Variants in GPC6 observed in about 807,000 individuals in gnomAD.
GPC6 encodes the protein glypican 6, also known as glypican-6.
In GPC6, 14 loss-of-function variants were observed where a neutral mutation model predicts 55.2. The observed-to-expected ratio is 0.25, with a 90% CI of 0.17 to 0.40. GPC6 has a LOEUF of 0.40. GPC6 is among the 10% of genes least tolerant of loss of function. The pLI is 1.00. For synonymous variants in GPC6, 278 were observed against 259.6 expected (o/e 1.07, Z -0.68); for missense variants, 641 against 708.5 (o/e 0.90, Z 1.08).
intron 2 of GPC6, among the ~76,000 whole-genome samples, chr13:93,671,741 C>A (rs1594359304): frequency 6.6e-6 from 1 of 152,204 alleles, no homozygotes; most frequent in East Asian, 1.9e-4. Context: ...CAGGTCTCAC[C>A]TCCAAAATCC....
chr13:93,517,221 G>A (rs943880246), intron 1 of GPC6, among the ~76,000 whole-genome samples: 5 of 152,002 alleles, frequency 3.3e-5, no homozygotes, highest in African/African-American at 1.2e-4. Context: ...CAGGAATGAT[G>A]GAGTATCTAA....
At chr13:93,723,659 T>C (rs1004715149) in intron 2 of GPC6, among the ~76,000 whole-genome samples, 1 of 152,006 alleles carries the variant, frequency 6.6e-6, no homozygotes, top group Non-Finnish European at 1.5e-5. Context: ...ATAGACTTCT[T>C]CATCCACATC....
At chr13:93,881,629 A>G (rs1874979541) in intron 3 of GPC6, among the ~76,000 whole-genome samples, 1 of 152,080 alleles carries the variant, frequency 6.6e-6, no homozygotes, top group Non-Finnish European at 1.5e-5. Flanking sequence ...GGACAGAGCT[A>G]GGAAATGTAT....
At chr13:93,221,492 T>TC in the GPC6 span, among the ~76,000 whole-genome samples, 1 of 152,056 alleles carries the variant, frequency 6.6e-6, no homozygotes, top group Non-Finnish European at 1.5e-5. Flanking sequence ...TGTTTGGTTT[T>TC]CCCCCCAAGA....
At chr13:94,386,281 G>A (rs528246970) in intron 7 of GPC6, among the ~76,000 whole-genome samples, 2 of 151,836 alleles carry the variant, frequency 1.3e-5, no homozygotes, top group East Asian at 1.9e-4. Flanking sequence ...AATGGCATGA[G>A]CCTGGGAGGC....
intron 3 of GPC6, among the ~76,000 whole-genome samples, chr13:93,839,365 C>T (rs143059613): frequency 1.0e-3 from 155 of 152,166 alleles, no homozygotes; most frequent in African/African-American, 3.5e-3. Flanking sequence ...GCTCTGACAC[C>T]ATCAATGGGA....
intron 2 of GPC6, among the ~76,000 whole-genome samples, chr13:93,771,293 C>T (rs1041676694): frequency 1.1e-4 from 16 of 152,162 alleles, no homozygotes; most frequent in Non-Finnish European, 1.9e-4. Context: ...CGCTTCCTTC[C>T]TCGGTGAAAG....
At chr13:94,384,186 T>C (rs969463879) in intron 7 of GPC6, among the ~76,000 whole-genome samples, 1 of 152,170 alleles carries the variant, frequency 6.6e-6, no homozygotes, top group Non-Finnish European at 1.5e-5. Flanking sequence ...AAAATATCAA[T>C]ATCAAATCAT....
At chr13:93,732,863 A>G (rs1476474663) in intron 2 of GPC6, among the ~76,000 whole-genome samples, 2 of 152,200 alleles carry the variant, frequency 1.3e-5, no homozygotes, top group African/African-American at 4.8e-5. Context: ...AAACTAATCT[A>G]TATATAATAT....
intron 4 of GPC6, among the ~76,000 whole-genome samples, chr13:94,077,592 G>T (rs758724308): frequency 1.3e-5 from 2 of 151,744 alleles, no homozygotes; most frequent in Non-Finnish European, 3.0e-5. Flanking sequence ...TCAGTATGAT[G>T]TTAGCTATAG....
intron 3 of GPC6, among the ~76,000 whole-genome samples, chr13:93,901,910 A>C (rs1282729432): frequency 1.3e-5 from 2 of 151,950 alleles, no homozygotes; most frequent in African/African-American, 4.8e-5. Context: ...AAAAAAAAAA[A>C]AAAAAAAACT....
intron 2 of GPC6, among the ~76,000 whole-genome samples, chr13:93,773,807 T>C (rs1420290722): frequency 1.3e-5 from 2 of 152,216 alleles, no homozygotes; most frequent in Admixed American, 1.3e-4. Flanking sequence ...GAGATTGCCA[T>C]TGGCTATACT....
chr13:93,750,189 G>A (rs895808175), intron 2 of GPC6, among the ~76,000 whole-genome samples: 12 of 152,204 alleles, frequency 7.9e-5, no homozygotes, highest in Non-Finnish European at 1.5e-4. Context: ...GAGGGCAAAA[G>A]GAATAAGCGA....
intron 1 of GPC6, among the ~76,000 whole-genome samples, chr13:93,271,357 C>T (rs1877518006): frequency 6.6e-6 from 1 of 152,044 alleles, no homozygotes; most frequent in South Asian, 2.1e-4. Flanking sequence ...TCCCCCAAGA[C>T]AGTGAAGGTA....
intron 3 of GPC6, among the ~76,000 whole-genome samples, chr13:93,870,645 A>T (rs1411566838): frequency 6.6e-6 from 1 of 151,810 alleles, no homozygotes; most frequent in African/African-American, 2.4e-5. Flanking sequence ...TAAAATGGAG[A>T]TGTTAGGGTT....
intron 1 of GPC6, among the ~76,000 whole-genome samples, chr13:93,310,683 A>G (rs1037265425): frequency 2.0e-5 from 3 of 152,168 alleles, no homozygotes; most frequent in Non-Finnish European, 4.4e-5. Flanking sequence ...TGGTTTTATT[A>G]TACCATAAAC....
chr13:93,754,412 G>A (rs16949190), intron 2 of GPC6, among the ~76,000 whole-genome samples: 1,595 of 152,188 alleles, frequency 0.01, 29 homozygotes, highest in African/African-American at 0.036. Context: ...CAAAATGCTT[G>A]TATCCCTTCC....
intron 1 of GPC6, among the ~76,000 whole-genome samples, chr13:93,299,169 T>G (rs17234334): frequency 0.12 from 18,113 of 152,218 alleles, 1,308 homozygotes; most frequent in East Asian, 0.36. Flanking sequence ...CATAAATACC[T>G]TTAAGTGACT....
At position 93,481,507 on chromosome 13, in the gene GPC6, T is replaced by C. The variant is rs550253625; in HGVS notation, c.161-63756T>C. Among the ~76,000 whole-genome samples the C allele has an allele frequency of 2.0e-5, 3 of 152,280 alleles. No individual in the cohort carries two copies. In the South Asian group the frequency reaches 6.2e-4, roughly 32 times the overall value. ...TGGTGTTATAGCTAAGAATCCAAGA[T>C]TATGGATCTTTACTCTTGTTTTCTT... On this transcript the variant is annotated intron_variant, in intron 1 of 8. Transcript: ENST00000377047.
Sources: allele counts gnomAD v4.1 joint callset (sites outside exome capture counted in the v4.1 genomes callset), GRCh38; gene constraint gnomAD v4.1.1; transcripts MANE v1.5; gene names NCBI Gene and HGNC (gene_info 2026-07-23, HGNC 2026-07-21).